Variants in DDAH1 observed in about 807,000 individuals in gnomAD.
DDAH1 encodes the protein N(G),N(G)-dimethylarginine dimethylaminohydrolase 1.
DDAH1 carries 19 observed loss-of-function variants against 28.8 expected under a neutral mutation model. That is an observed-to-expected ratio of 0.66 (90% CI 0.46 to 0.97). The LOEUF (loss-of-function observed/expected upper bound fraction) is 0.97. Ranked by LOEUF, DDAH1 falls within the 50% of genes least tolerant of loss-of-function variation. The probability of loss-of-function intolerance (pLI) is 0.00; values close to 1 mark genes in which losing one functional copy is unlikely to be tolerated. For missense variants in DDAH1, 326 were observed against 375.9 expected, an observed-to-expected ratio of 0.87 and a Z score of 1.10; for synonymous variants, 153 against 154.4, an observed-to-expected ratio of 0.99 and a Z score of 0.07.
chr1:85,469,978 C>T (rs527446355), upstream of DDAH1, among the ~76,000 whole-genome samples: 297 of 152,254 alleles, frequency 2.0e-3, no homozygotes, highest in Middle Eastern at 6.8e-3. Context: ...GTTTTCTTTT[C>T]CATTGATAAT....
At chr1:85,398,725 A>G (rs1288529178) in intron 1 of DDAH1, 1 of 152,198 alleles carries the variant, frequency 6.6e-6, no homozygotes, top group Non-Finnish European at 1.5e-5. Flanking sequence ...TTCTTATGAT[A>G]TTCTTACCCC....
intron 5 of DDAH1, among the ~76,000 whole-genome samples, chr1:85,324,299 T>TAAA (rs1553121632): frequency 6.3e-5 from 9 of 143,298 alleles, no homozygotes; most frequent in South Asian, 2.2e-4. Flanking sequence ...ATAATAATAA[T>TAAA]AAATAAAAAA....
intron 1 of DDAH1, among the ~76,000 whole-genome samples, chr1:85,387,128 T>C (rs1429375632): frequency 6.6e-6 from 1 of 152,158 alleles, no homozygotes; most frequent in African/African-American, 2.4e-5. Flanking sequence ...TTTCCCATTG[T>C]CTTGACTATT....
At chr1:85,336,397 T>C (rs1297494951) in intron 4 of DDAH1, among the ~76,000 whole-genome samples, 1 of 151,668 alleles carries the variant, frequency 6.6e-6, no homozygotes, top group Non-Finnish European at 1.5e-5. Context: ...TGTTGAAAAC[T>C]ACAAATACAT....
rs149947436 is a variant in DDAH1, at chr1:85,567,228, G to A, written c.-123+10756C>T. ...CAAACATCTGGGACCCTGTAGCCCT[G>A]TCAAATTTAACACATAAAATTAACC... is the stretch of plus-strand genomic sequence containing the variant. On this transcript the variant is annotated intron_variant, in intron 1 of 6. Transcript: ENST00000426972. Among the ~76,000 whole-genome samples the A allele has an allele frequency of 3.6e-3, 545 of 152,266 alleles. 4 individuals carry two copies. The highest frequency in any genetic ancestry group is 6.1e-3 in the Non-Finnish European group (415 of 68,020).
chr1:85,493,434 T>A (rs1247968016), intron 2 of DDAH1: 2 of 152,182 alleles, frequency 1.3e-5, no homozygotes, highest in East Asian at 3.8e-4. Flanking sequence ...ATTCATTTAA[T>A]CTGAAGCCAA....
In DDAH1 at chr1:85,544,795, A is replaced by G. The variant is rs968205169; in HGVS notation, c.-123+33189T>C. Among the ~76,000 whole-genome samples the G allele has an allele frequency of 7.9e-5, 12 of 152,222 alleles. No homozygotes were observed. In the East Asian group the frequency reaches 2.3e-3, roughly 29 times the overall value. ...CTGCTCGTGGCCTCCACACATTGCC[A>G]CACTATTTACACAGCTGATGGAAGT... On this transcript the variant is annotated intron_variant, in intron 1 of 6. Transcript: ENST00000426972.
intron 4 of DDAH1, among the ~76,000 whole-genome samples, chr1:85,343,524 A>C (rs1301572390): frequency 6.6e-6 from 1 of 152,264 alleles, no homozygotes; most frequent in Non-Finnish European, 1.5e-5. Context: ...TGGTGAATAC[A>C]ACAGCCAGAT....
At position 85,344,537 on chromosome 1, in the gene DDAH1, C is replaced by T. The variant is rs1360889697; in HGVS notation, c.597+5878G>A. Among the ~76,000 whole-genome samples, 4 of 152,168 alleles carry T rather than the reference C, an allele frequency of 2.6e-5. 1 individual carries two copies. The South Asian group carries it at 8.3e-4, about 32-fold the overall frequency. On this transcript the variant is annotated intron_variant, in intron 4 of 5. Transcript: ENST00000284031. ...AAGTTTTAGCTAAAGGTACCACCTC[C>T]CCTGACCTCCCTCCCTCTCTCCCTT...
At chr1:85,460,523 T>G (rs1325683790) in intron 1 of DDAH1, among the ~76,000 whole-genome samples, 1 of 152,184 alleles carries the variant, frequency 6.6e-6, no homozygotes. Flanking sequence ...TACTAACACT[T>G]GGTACCTGGG....
chr1:85,355,254 A>G (rs1557512476), intron 2 of DDAH1, among the ~76,000 whole-genome samples: 1 of 152,154 alleles, frequency 6.6e-6, no homozygotes, highest in Non-Finnish European at 1.5e-5. Context: ...ATTTCTCCAT[A>G]AAGAAGGCAC....
chr1:85,420,377 T>A (rs1474740465), intron 1 of DDAH1, among the ~76,000 whole-genome samples: 1 of 152,234 alleles, frequency 6.6e-6, no homozygotes, highest in African/African-American at 2.4e-5. Context: ...CTTTTAAATA[T>A]AAGTTCCAGC....
At chr1:85,521,411 A>G (rs1221156073) in intron 1 of DDAH1, among the ~76,000 whole-genome samples, 2 of 151,562 alleles carry the variant, frequency 1.3e-5, no homozygotes, top group African/African-American at 2.4e-5. Flanking sequence ...ACACTGTGGC[A>G]GCTTCTAGAT....
intron 1 of DDAH1, among the ~76,000 whole-genome samples, chr1:85,510,337 C>T (rs1032019034): frequency 6.6e-6 from 1 of 152,202 alleles, no homozygotes; most frequent in Non-Finnish European, 1.5e-5. Flanking sequence ...CTTACAAGAG[C>T]TCCTGAAGGA....
chr1:85,321,700 C>G, intron 5 of DDAH1, 132 bp from the exon 6 acceptor site: 1 of 711,222 alleles, frequency 1.4e-6, no homozygotes, highest in East Asian at 2.6e-5. Context: ...GCAGTCTCAA[C>G]CACACACATG....
intron 1 of DDAH1, among the ~76,000 whole-genome samples, chr1:85,367,288 G>A (rs940398290): frequency 6.6e-6 from 1 of 152,154 alleles, no homozygotes; most frequent in African/African-American, 2.4e-5. Context: ...TCCTACTCCT[G>A]ACCATATACC....
chr1:85,331,774 G>A (rs1339443717), intron 4 of DDAH1, among the ~76,000 whole-genome samples: 1 of 152,140 alleles, frequency 6.6e-6, no homozygotes, highest in African/African-American at 2.4e-5. Context: ...TAGAGGTACT[G>A]GACACCTGTT....
chr1:85,564,359 G>T (rs546399854), intron 1 of DDAH1, among the ~76,000 whole-genome samples: 2 of 152,312 alleles, frequency 1.3e-5, no homozygotes, highest in East Asian at 3.9e-4. Flanking sequence ...GAGAGTTCCA[G>T]TGAGTTGGTG....
At chr1:85,426,925 A>AC (rs1325755067) in intron 1 of DDAH1, among the ~76,000 whole-genome samples, 3 of 146,084 alleles carry the variant, frequency 2.1e-5, no homozygotes, top group African/African-American at 7.4e-5. Flanking sequence ...AAAAAACAAA[A>AC]AAAAAAAAAA....
Sources: allele counts gnomAD v4.1 joint callset (sites outside exome capture counted in the v4.1 genomes callset), GRCh38; gene constraint gnomAD v4.1.1; transcripts MANE v1.5; gene names NCBI Gene and HGNC (gene_info 2026-07-23, HGNC 2026-07-21).